Variants in MPHOSPH6 observed in about 807,000 individuals in gnomAD.
MPHOSPH6 encodes M-phase phosphoprotein 6.
MPHOSPH6 carries 25 observed loss-of-function variants against 21.8 expected under a neutral mutation model. That is an observed-to-expected ratio of 1.15 (90% CI 0.83 to 1.60). MPHOSPH6 has a LOEUF of 1.60. Among genes scored for constraint, MPHOSPH6 ranks in the 40% most tolerant of loss-of-function variants. The probability of loss-of-function intolerance (pLI) is 0.00; values close to 1 mark genes in which losing one functional copy is unlikely to be tolerated. For synonymous variants in MPHOSPH6, 84 were observed against 56.5 expected, an observed-to-expected ratio of 1.49 and a Z score of -2.18; for missense variants, 269 against 181.8, an observed-to-expected ratio of 1.48 and a Z score of -2.76.
In MPHOSPH6 at chr16:82,151,579, T is replaced by A. The variant is rs184531513; in HGVS notation, c.165-65A>T. 8.8e-6 allele frequency: 13 copies of A among 1,480,082 alleles called. No homozygotes were observed. In the African/African-American group the frequency reaches 1.7e-4, roughly 19 times the overall value. 91.7% of individuals were successfully genotyped at this position (1,480,082 alleles called of 1,614,324 possible). A position where few individuals can be genotyped will look rare whatever the true frequency, so the allele number is the denominator to read the frequency against. On this transcript the variant is annotated intron_variant, in intron 2 of 4. Transcript: ENST00000258169. ...AGCACAGCAAACAAAAGCCAACACT[T>A]TGAATAAAAAAAATAATCAACCTAT...
chr16:82,158,498 C>CAAAA (rs3037959), intron 2 of MPHOSPH6, among the ~76,000 whole-genome samples: 5 of 81,512 alleles, frequency 6.1e-5, no homozygotes, highest in African/African-American at 2.3e-4. Flanking sequence ...GACTCCGTCT[C>CAAAA]AAAAAAAAAA....
chr16:82,159,225 AAG>A (rs1395112432), intron 2 of MPHOSPH6, among the ~76,000 whole-genome samples: 3 of 152,224 alleles, frequency 2.0e-5, no homozygotes, highest in Non-Finnish European at 4.4e-5. Context: ...CACAATGTTA[AAG>A]AGATTTGCAA....
chr16:82,163,395 T>C (rs1424990110), intron 2 of MPHOSPH6, among the ~76,000 whole-genome samples: 2 of 152,216 alleles, frequency 1.3e-5, no homozygotes, highest in Admixed American at 6.5e-5. Flanking sequence ...TCATTCAAAA[T>C]TGTTGATCAG....
At chr16:82,157,386 A>G (rs1276081995) in intron 2 of MPHOSPH6, among the ~76,000 whole-genome samples, 1 of 152,262 alleles carries the variant, frequency 6.6e-6, no homozygotes, top group Non-Finnish European at 1.5e-5. Flanking sequence ...GACACAGTTA[A>G]GCACATATTG....
At chr16:82,165,144 T>TGTTTTTTTTG (rs1203387918) in intron 1 of MPHOSPH6, among the ~76,000 whole-genome samples, 2 of 108,626 alleles carry the variant, frequency 1.8e-5, no homozygotes, top group Admixed American at 1.1e-4. Context: ...TTTTTTTTTT[T>TGTTTTTTTTG]TGAGACAGAG....
chr16:82,159,879 C>T (rs527590014), intron 2 of MPHOSPH6, among the ~76,000 whole-genome samples: 2 of 152,286 alleles, frequency 1.3e-5, no homozygotes, highest in South Asian at 4.2e-4. Context: ...ACTTGCTGTT[C>T]AGCTTTTTCT....
intron 1 of MPHOSPH6, among the ~76,000 whole-genome samples, chr16:82,165,300 G>A (rs7186761): frequency 0.81 from 122,503 of 150,864 alleles, 49,826 homozygotes; most frequent in Admixed American, 0.85. Flanking sequence ...TAATTTTTCT[G>A]TTTTTAGTAG....
intron 2 of MPHOSPH6, among the ~76,000 whole-genome samples, chr16:82,155,434 T>G (rs1906398049): frequency 6.6e-6 from 1 of 152,192 alleles, no homozygotes; most frequent in African/African-American, 2.4e-5. Flanking sequence ...AAAAACTACT[T>G]GTCAGTGAGT....
chr16:82,149,284 GA>G, intron 4 of MPHOSPH6, 24 bp downstream of exon 4: 2 of 1,605,788 alleles, frequency 1.2e-6, no homozygotes, highest in South Asian at 2.2e-5. Context: ...GTCCAGATTA[GA>G]AGGCTGCTGC....
At chr16:82,149,282 T>G in intron 4 of MPHOSPH6, 27 bp downstream of exon 4, 2 of 1,606,804 alleles carry the variant, frequency 1.2e-6, no homozygotes, top group Non-Finnish European at 8.5e-7. Flanking sequence ...AGGTCCAGAT[T>G]AGAAGGCTGC....
chr16:82,162,067 C>T (rs575404560), intron 2 of MPHOSPH6: 15 of 152,318 alleles, frequency 9.8e-5, no homozygotes, highest in African/African-American at 3.6e-4. Context: ...GAAATACACA[C>T]AATGGTGACA....
At chr16:82,159,480 A>C (rs1171851735) in intron 2 of MPHOSPH6, among the ~76,000 whole-genome samples, 1 of 152,036 alleles carries the variant, frequency 6.6e-6, no homozygotes, top group Non-Finnish European at 1.5e-5. Flanking sequence ...TCTCGGCTCA[A>C]TGCAACCTCC....
In MPHOSPH6 at chr16:82,148,171, G is replaced by A. The variant is rs1026193479; in HGVS notation, c.*560C>T. 1 of 152,168 alleles carries A rather than the reference G, an allele frequency of 6.6e-6. No homozygotes were observed. The highest frequency in any genetic ancestry group is 2.4e-5 in the African/African-American group (1 of 41,450). The allele number at this position is 152,168 out of a possible 1,614,324, so 9.4% of individuals were successfully genotyped here. A position where few individuals can be genotyped will look rare whatever the true frequency, so the allele number is the denominator to read the frequency against. On this transcript the variant is annotated 3_prime_UTR_variant, in exon 5 of 5. Transcript: ENST00000258169. The stretch of plus-strand genomic sequence containing the variant: ...AAGAAAATATAAAAAGTATGTGAAA[G>A]TAGATTTTTATTACAGAGCAAATTT...
rs772528118 is a variant in MPHOSPH6 at position 82,149,297 on chromosome 16, C to T, written c.350+12G>A. 6 of 1,612,130 alleles carry T rather than the reference C, an allele frequency of 3.7e-6. No individual in the cohort carries two copies. The highest frequency in any genetic ancestry group is 4.2e-6 in the Non-Finnish European group (5 of 1,179,370). ...AGGTCCAGATTAGAAGGCTGCTGCGCAGCACGGTTACCTTCTAGCCATCTC... is the reference window on the plus strand; with the variant it reads ...AGGTCCAGATTAGAAGGCTGCTGCGTAGCACGGTTACCTTCTAGCCATCTC... On this transcript the variant is annotated intron_variant, in intron 4 of 4. Coordinates refer to ENST00000258169, the MANE Select transcript of MPHOSPH6 (RefSeq NM_005792.2).
chr16:82,166,239 A>C (rs796167099), intron 1 of MPHOSPH6, among the ~76,000 whole-genome samples: 4 of 152,368 alleles, frequency 2.6e-5, no homozygotes, highest in African/African-American at 9.6e-5. Context: ...AAAGTAAAAG[A>C]AAACAAGTTT....
In MPHOSPH6 at chr16:82,151,522, G is replaced by A. The variant is rs373946775; in HGVS notation, c.165-8C>T. 12 of 1,558,010 alleles carry A rather than the reference G, an allele frequency of 7.7e-6. No individual in the cohort carries two copies. The highest frequency in any genetic ancestry group is 4.0e-5 in the Admixed American group (2 of 49,444). On this transcript the variant is annotated splice_polypyrimidine_tract_variant and splice_region_variant and intron_variant, in intron 2 of 4. Coordinates refer to ENST00000258169, the MANE Select transcript of MPHOSPH6 (RefSeq NM_005792.2). The stretch of plus-strand genomic sequence containing the variant: ...TCTTCTATTATGAAACTCCTAAATG[G>A]GAAAATAAAAATAGCATTTCTCCAT...
intron 2 of MPHOSPH6, among the ~76,000 whole-genome samples, chr16:82,158,450 G>A (rs1371040757): frequency 7.1e-6 from 1 of 140,370 alleles, no homozygotes; most frequent in Non-Finnish European, 1.5e-5. Flanking sequence ...AGTGAGCGGA[G>A]ATCTCGCCAC....
chr16:82,159,740 G>A (rs1271907001), intron 2 of MPHOSPH6, among the ~76,000 whole-genome samples: 1 of 152,116 alleles, frequency 6.6e-6, no homozygotes, highest in Non-Finnish European at 1.5e-5. Flanking sequence ...AATGCAAATA[G>A]CTTCTGAGTT....
intron 2 of MPHOSPH6, among the ~76,000 whole-genome samples, chr16:82,152,364 C>A (rs1157036122): frequency 6.6e-6 from 1 of 152,158 alleles, no homozygotes; most frequent in Non-Finnish European, 1.5e-5. Flanking sequence ...GCAGCTTTAA[C>A]AGTGTTATCA....
Sources: gnomAD v4.1 joint callset for allele counts (sites outside exome capture counted in the v4.1 genomes callset) on GRCh38, gnomAD v4.1.1 for gene constraint, MANE v1.5 for transcripts, NCBI Gene and HGNC (gene_info 2026-07-23, HGNC 2026-07-21) for gene names.